IL10RB: variants seen among roughly 807,000 people sequenced by gnomAD.
IL10RB encodes interleukin 10 receptor subunit beta.
Under a neutral mutation model 38.7 loss-of-function variants are expected in IL10RB, and 30 were observed. The ratio of observed to expected loss-of-function variants is 0.78; its 90% confidence interval spans 0.58 to 1.05. The LOEUF is 1.05. Ranked by LOEUF, IL10RB falls within the 50% of genes least tolerant of loss-of-function variation. IL10RB has a pLI of 0.00. For synonymous variants in IL10RB, 142 were observed against 145.9 expected, an observed-to-expected ratio of 0.97 and a Z score of 0.19; for missense variants, 328 against 397.1, an observed-to-expected ratio of 0.83 and a Z score of 1.48.
chr21:33,300,537 A>G (rs2082983358), downstream of IL10RB, among the ~76,000 whole-genome samples: 2 of 152,236 alleles, frequency 1.3e-5, no homozygotes, highest in South Asian at 4.1e-4. Context: ...AAATCACCAT[A>G]AAACATATGC....
At chr21:33,309,730 A>C (rs2083007441) in exon 2 of IL10RB, 2 of 152,252 alleles carry the variant, frequency 1.3e-5, no homozygotes, top group Admixed American at 1.3e-4. Flanking sequence ...CGTCCCAAAA[A>C]GTATGTAGAG....
rs182875134 is a variant in IL10RB at position 33,288,220 on chromosome 21, G to A, written c.763G>A (p.Ala255Thr). 1.7e-4 allele frequency: 273 copies of A among 1,614,026 alleles called. 1 individual carries two copies. The East Asian group carries it at 2.1e-3, about 13-fold the overall frequency. Reference sequence around the variant, plus strand: ...GTGCGTTTACAAGAAGACAAAGTACGCCTTCTCCCCTAGGAATTCTCTTCC... The same window carrying A: ...GTGCGTTTACAAGAAGACAAAGTACACCTTCTCCCCTAGGAATTCTCTTCC... ...LWCVYKKTKY[A>T]FSPRNSLPQH... is the part of the protein sequence containing the mutation. Residue 255 changes from alanine (A) to threonine (T), a missense_variant, in exon 6 of 7, where the codon GCC (alanine) becomes ACC (threonine). Coordinates refer to ENST00000290200, the MANE Select transcript of IL10RB (RefSeq NM_000628.5).
At chr21:33,298,486 CA>C (rs1384349872), downstream of IL10RB, among the ~76,000 whole-genome samples, 1 of 152,014 alleles carries the variant, frequency 6.6e-6, no homozygotes, top group Admixed American at 6.6e-5. Flanking sequence ...TGGTGGTGCA[CA>C]CCTGTAATCC....
At chr21:33,303,118 C>T (rs545834300) in intron 1 of IL10RB, among the ~76,000 whole-genome samples, 23 of 152,256 alleles carry the variant, frequency 1.5e-4, no homozygotes, top group African/African-American at 4.8e-4. Flanking sequence ...GGGGGAGCCA[C>T]GAAGACATTG....
At chr21:33,273,020 G>A (rs2123568358) in intron 2 of IL10RB, among the ~76,000 whole-genome samples, 1 of 152,328 alleles carries the variant, frequency 6.6e-6, no homozygotes, top group Non-Finnish European at 1.5e-5. Context: ...GGACAGGACA[G>A]TCACGGGTCA....
At chr21:33,307,521 A>C (rs575534449) in intron 1 of IL10RB, among the ~76,000 whole-genome samples, 1 of 152,154 alleles carries the variant, frequency 6.6e-6, no homozygotes. Context: ...TTTACCGACA[A>C]ACTGAATTTG....
chr21:33,296,389 C>T lies in IL10RB; in HGVS notation c.*32C>T, dbSNP rs1324552854. On this transcript the variant is annotated 3_prime_UTR_variant, in exon 7 of 7. Coordinates refer to ENST00000290200, the MANE Select transcript of IL10RB (RefSeq NM_000628.5). ...AGAAGGAAACACACTCGGCTGGGCA[C>T]AGTGACGTACTCCATCTCACATCTG... The T allele has an allele frequency of 1.9e-6, 3 of 1,601,956 alleles. No homozygotes were observed. Among genetic ancestry groups the T allele is most frequent in the Non-Finnish European group, 2.6e-6 (3 of 1,174,208 alleles).
chr21:33,270,593 C>G (rs1713999898), intron 2 of IL10RB, among the ~76,000 whole-genome samples: 1 of 151,782 alleles, frequency 6.6e-6, no homozygotes, highest in South Asian at 2.1e-4. Context: ...CCAGGATGGT[C>G]TTGATCTCCT....
intron 4 of IL10RB, among the ~76,000 whole-genome samples, chr21:33,282,703 C>T (rs893057820): frequency 6.6e-6 from 1 of 152,094 alleles, no homozygotes; most frequent in African/African-American, 2.4e-5. Context: ...CGTGCGCCAC[C>T]ACGCCCGGCT....
chr21:33,293,362 G>A (rs1989526318), intron 6 of IL10RB, among the ~76,000 whole-genome samples: 1 of 152,244 alleles, frequency 6.6e-6, no homozygotes, highest in Admixed American at 6.5e-5. Context: ...AGCCTAGAAA[G>A]GGACTCAGCT....
intron 1 of IL10RB, 140 bp downstream of exon 1, chr21:33,266,654 C>A: frequency 2.4e-6 from 2 of 826,580 alleles, no homozygotes; most frequent in Non-Finnish European, 3.8e-6. Flanking sequence ...ACGCCACGGC[C>A]GGCTGCTGAG....
Position 33,266,374 on chromosome 21 carries a change from C to A in IL10RB, c.-92C>A. On this transcript the variant is annotated 5_prime_UTR_variant, in exon 1 of 7. It adds an upstream start codon to the 5' untranslated region. Transcript: ENST00000290200. ...CCCCACCCCGCCCCGCCCATCTCCGCTGGTTCCCGGAAGCCGCCGCGGACA... is the reference window on the plus strand; with the variant it reads ...CCCCACCCCGCCCCGCCCATCTCCGATGGTTCCCGGAAGCCGCCGCGGACA... 1 of 1,442,468 alleles carries A rather than the reference C, an allele frequency of 6.9e-7. No individual in the cohort carries two copies. Among genetic ancestry groups the A allele is most frequent in the Non-Finnish European group, 9.4e-7 (1 of 1,067,570 alleles). 89.4% of individuals were successfully genotyped at this position (1,442,468 alleles called of 1,614,324 possible). A position where few individuals can be genotyped will look rare whatever the true frequency, so the allele number is the denominator to read the frequency against.
At chr21:33,293,601 A>G (rs920233989) in intron 6 of IL10RB, among the ~76,000 whole-genome samples, 2 of 152,324 alleles carry the variant, frequency 1.3e-5, no homozygotes, top group African/African-American at 2.4e-5. Context: ...CTGGCAGATC[A>G]CTTGAGGTCT....
At chr21:33,298,032 G>A (rs565574835), downstream of IL10RB, among the ~76,000 whole-genome samples, 9 of 152,242 alleles carry the variant, frequency 5.9e-5, no homozygotes, top group Middle Eastern at 3.4e-3. Flanking sequence ...GCAGTCTGGA[G>A]GCAGAATTAA....
At chr21:33,291,266 G>T (rs1989481445) in intron 6 of IL10RB, among the ~76,000 whole-genome samples, 3 of 132,730 alleles carry the variant, frequency 2.3e-5, no homozygotes, top group Admixed American at 1.5e-4. Context: ...TAGGACATAT[G>T]AATTTCTTTT....
At chr21:33,307,466 G>T (rs982662916) in intron 1 of IL10RB, among the ~76,000 whole-genome samples, 3 of 152,152 alleles carry the variant, frequency 2.0e-5, no homozygotes, top group Non-Finnish European at 4.4e-5. Flanking sequence ...TCTTGCAGCT[G>T]CCCAAGACCA....
intron 2 of IL10RB, among the ~76,000 whole-genome samples, chr21:33,269,446 C>T (rs927570771): frequency 4.6e-5 from 7 of 152,238 alleles, no homozygotes; most frequent in African/African-American, 1.7e-4. Flanking sequence ...AATTTCTTCC[C>T]AGATCCAGCT....
At chr21:33,271,740 A>AG (rs1961771472) in intron 2 of IL10RB, among the ~76,000 whole-genome samples, 1 of 152,048 alleles carries the variant, frequency 6.6e-6, no homozygotes, top group African/African-American at 2.4e-5. Context: ...AAAAAAAAAA[A>AG]ACCTAGTGAA....
intron 6 of IL10RB, among the ~76,000 whole-genome samples, chr21:33,294,897 A>C (rs953866355): frequency 2.0e-5 from 3 of 152,226 alleles, no homozygotes; most frequent in Middle Eastern, 3.2e-3. Flanking sequence ...CGTTCAAAGC[A>C]CCGGAGAGAC....
Sources: allele counts gnomAD v4.1 joint callset (sites outside exome capture counted in the v4.1 genomes callset), GRCh38; gene constraint gnomAD v4.1.1; transcripts MANE v1.5; gene names NCBI Gene and HGNC (gene_info 2026-07-23, HGNC 2026-07-21).